The following KIAA0319L variants were observed in gnomAD, a reference collection of about 807,000 sequenced individuals.
KIAA0319L encodes the protein KIAA0319 like, also known as dyslexia-associated protein KIAA0319-like protein.
A neutral mutation model predicts 120.1 loss-of-function variants in KIAA0319L; 55 were observed. That is an observed-to-expected ratio of 0.46 (90% CI 0.37 to 0.57). KIAA0319L has a LOEUF of 0.57. Among genes scored for constraint, KIAA0319L ranks in the 20% least tolerant of loss-of-function variants. The pLI is 0.00. For missense variants in KIAA0319L, 1,049 were observed against 1,255.3 expected, an observed-to-expected ratio of 0.84 and a Z score of 2.48; for synonymous variants, 398 against 471.9, an observed-to-expected ratio of 0.84 and a Z score of 2.03.
At chr1:35,554,287 G>A (rs1244556081) in intron 2 of KIAA0319L, 63 bp downstream of exon 2, 4 of 1,254,086 alleles carry the variant, frequency 3.2e-6, no homozygotes. Flanking sequence ...AATGAACTGA[G>A]GGACTCACAT....
rs1202807908 is a variant in KIAA0319L at position 35,434,567 on chromosome 1, G to T, written c.*327C>A. 4.8e-5 allele frequency: 14 copies of T among 293,252 alleles called. No individual in the cohort carries two copies. Among genetic ancestry groups the T allele is most frequent in the Non-Finnish European group, 2.5e-5 (4 of 157,662 alleles). 18.2% of individuals were successfully genotyped at this position (293,252 alleles called of 1,614,324 possible). A position where few individuals can be genotyped will look rare whatever the true frequency, so the allele number is the denominator to read the frequency against. On this transcript the variant is annotated 3_prime_UTR_variant, in exon 21 of 21. Transcript: ENST00000325722. ...CACCTTGCAGCACTCTGGGCACAAT[G>T]ACACTGTCCACTGGGGAGCTGCAGA...
intron 2 of KIAA0319L, among the ~76,000 whole-genome samples, chr1:35,531,662 A>G (rs1318252345): frequency 6.6e-6 from 1 of 151,980 alleles, no homozygotes; most frequent in Non-Finnish European, 1.5e-5. Context: ...ACTGTTGGGG[A>G]TTGCTCACTT....
At chr1:35,522,187 A>G (rs1005886231) in intron 2 of KIAA0319L, among the ~76,000 whole-genome samples, 2 of 152,296 alleles carry the variant, frequency 1.3e-5, no homozygotes, top group Middle Eastern at 6.8e-3. Context: ...TTTTGGAAGA[A>G]TATTCATGAA....
At chr1:35,516,728 T>G (rs1047134488) in intron 2 of KIAA0319L, among the ~76,000 whole-genome samples, 1 of 152,058 alleles carries the variant, frequency 6.6e-6, no homozygotes, top group Non-Finnish European at 1.5e-5. Flanking sequence ...GAGAAAGAAA[T>G]AAAGGGCATT....
intron 12 of KIAA0319L, among the ~76,000 whole-genome samples, chr1:35,452,392 G>T (rs1324310620): frequency 2.0e-5 from 3 of 152,212 alleles, no homozygotes; most frequent in Admixed American, 2.0e-4. Flanking sequence ...AGCAGCCAAG[G>T]GAGCTCTGTG....
intron 2 of KIAA0319L, among the ~76,000 whole-genome samples, chr1:35,538,769 A>G (rs999044941): frequency 6.6e-6 from 1 of 152,058 alleles, no homozygotes; most frequent in Non-Finnish European, 1.5e-5. Context: ...TATTTATGGC[A>G]ATCATGTGGC....
At chr1:35,527,885 T>C (rs1279265711) in intron 2 of KIAA0319L, among the ~76,000 whole-genome samples, 1 of 144,608 alleles carries the variant, frequency 6.9e-6, no homozygotes, top group Non-Finnish European at 1.5e-5. Context: ...ATTTCTGCTC[T>C]GATCTTCATT....
intron 3 of KIAA0319L, among the ~76,000 whole-genome samples, chr1:35,505,751 CACTGGCAA>C (rs1645183156): frequency 6.6e-6 from 1 of 152,152 alleles, no homozygotes; most frequent in East Asian, 1.9e-4. Context: ...GCTGCATGAT[CACTGGCAA>C]ACTGTTTAAC....
intron 3 of KIAA0319L, among the ~76,000 whole-genome samples, chr1:35,486,449 T>C (rs564810953): frequency 4.5e-4 from 68 of 152,128 alleles, no homozygotes; most frequent in African/African-American, 1.5e-3. Context: ...TCTAGATATG[T>C]TAAAAATATT....
In KIAA0319L at chr1:35,479,203, C is replaced by T. The variant is rs1173373218; in HGVS notation, c.676G>A (p.Ala226Thr). ...GTTAGGGGACTGGAAATTGTAATCG[C>T]CTTGTGGACCTAAAGAAATAAAAAA... ...TTSGSAEVHK[A>T]ITISSPLTTD... Residue 226 changes from alanine to threonine, a missense_variant, in exon 4 of 21, where the codon GCG (alanine) becomes ACG (threonine). Transcript: ENST00000325722. 8.7e-6 allele frequency: 14 copies of T among 1,612,206 alleles called. No individual in the cohort carries two copies. Among genetic ancestry groups the T allele is most frequent in the Non-Finnish European group, 1.2e-5 (14 of 1,178,668 alleles).
At chr1:35,461,822 A>G (rs1156829018) in intron 8 of KIAA0319L, among the ~76,000 whole-genome samples, 2 of 151,970 alleles carry the variant, frequency 1.3e-5, no homozygotes, top group African/African-American at 2.4e-5. Flanking sequence ...CTGGCCTACT[A>G]TCATCCTCCT....
At chr1:35,546,923 A>G (rs147221792) in intron 2 of KIAA0319L, among the ~76,000 whole-genome samples, 2 of 150,990 alleles carry the variant, frequency 1.3e-5, no homozygotes, top group Non-Finnish European at 3.0e-5. Context: ...AAAAAGTTAA[A>G]CCAAGAGTTA....
chr1:35,492,100 C>T (rs1244640561), intron 3 of KIAA0319L, among the ~76,000 whole-genome samples: 1 of 152,148 alleles, frequency 6.6e-6, no homozygotes, highest in Non-Finnish European at 1.5e-5. Context: ...TCTACACAAA[C>T]CCTCCAGAAA....
At chr1:35,546,829 G>T (rs1329057351) in intron 2 of KIAA0319L, among the ~76,000 whole-genome samples, 1 of 151,902 alleles carries the variant, frequency 6.6e-6, no homozygotes, top group East Asian at 1.9e-4. Flanking sequence ...ACAAGTGTTG[G>T]CAAGGATGTA....
chr1:35,500,400 T>C (rs1045288505), intron 3 of KIAA0319L, among the ~76,000 whole-genome samples: 1 of 152,012 alleles, frequency 6.6e-6, no homozygotes, highest in African/African-American at 2.4e-5. Context: ...GGTGCAATAC[T>C]TAAACTAAGC....
chr1:35,495,376 A>ATT (rs1172303747), intron 3 of KIAA0319L, among the ~76,000 whole-genome samples: 1 of 152,196 alleles, frequency 6.6e-6, no homozygotes, highest in African/African-American at 2.4e-5. Flanking sequence ...AAAATTAAAA[A>ATT]ATAAATAAAA....
intron 3 of KIAA0319L, among the ~76,000 whole-genome samples, chr1:35,484,125 A>C (rs773999020): frequency 1.3e-5 from 2 of 152,214 alleles, no homozygotes; most frequent in Non-Finnish European, 2.9e-5. Flanking sequence ...TCACATGCTG[A>C]GGTTCCAGAT....
chr1:35,478,401 T>A (rs1490252015), intron 4 of KIAA0319L, among the ~76,000 whole-genome samples: 2 of 152,114 alleles, frequency 1.3e-5, no homozygotes, highest in Non-Finnish European at 2.9e-5. Flanking sequence ...CATTTTAAAA[T>A]AACTAAAATA....
intron 15 of KIAA0319L, 127 bp from the exon 16 acceptor site, chr1:35,448,459 G>C: frequency 1.1e-6 from 1 of 924,728 alleles, no homozygotes; most frequent in South Asian, 1.6e-5. Flanking sequence ...AAATGGAAAG[G>C]GACAATAGTG....
Sources: gnomAD v4.1 joint callset for allele counts (sites outside exome capture counted in the v4.1 genomes callset) on GRCh38, gnomAD v4.1.1 for gene constraint, MANE v1.5 for transcripts, NCBI Gene and HGNC (gene_info 2026-07-23, HGNC 2026-07-21) for gene names.